ANO10: variants seen among roughly 807,000 people sequenced by gnomAD.
ANO10 encodes the protein anoctamin 10.
ANO10 carries 77 observed loss-of-function variants against 74.7 expected under a neutral mutation model. The observed-to-expected ratio is 1.03, with a 90% CI of 0.86 to 1.25. The LOEUF (loss-of-function observed/expected upper bound fraction) is 1.25, where lower values mean the gene tolerates loss of function less well. ANO10 is among the 50% of genes most tolerant of loss of function. ANO10 has a pLI of 0.00. For missense variants in ANO10, 721 were observed against 778.1 expected (o/e 0.93, Z 0.87); for synonymous variants, 279 against 284.9 (o/e 0.98, Z 0.21).
At chr3:43,506,946 C>T (rs566553694) in intron 11 of ANO10, among the ~76,000 whole-genome samples, 3 of 152,294 alleles carry the variant, frequency 2.0e-5, no homozygotes, top group South Asian at 2.1e-4. Flanking sequence ...ATACACTCCA[C>T]GAGTACAGAG....
At chr3:43,604,130 C>T (rs2082453320) in intron 2 of ANO10, among the ~76,000 whole-genome samples, 1 of 152,128 alleles carries the variant, frequency 6.6e-6, no homozygotes, top group African/African-American at 2.4e-5. Flanking sequence ...TCATGAAGTA[C>T]ATAGTAGTGC....
At chr3:43,476,868 C>T (rs998764303) in intron 11 of ANO10, among the ~76,000 whole-genome samples, 9 of 152,168 alleles carry the variant, frequency 5.9e-5, no homozygotes, top group African/African-American at 2.2e-4. Context: ...ACATAGCAAA[C>T]CTTGCCAATC....
At chr3:43,387,047 T>C (rs2092141921) in intron 12 of ANO10, among the ~76,000 whole-genome samples, 1 of 152,182 alleles carries the variant, frequency 6.6e-6, no homozygotes, top group South Asian at 2.1e-4. Context: ...GAGAACTGTA[T>C]TGTCAGGCAA....
intron 12 of ANO10, among the ~76,000 whole-genome samples, chr3:43,387,607 C>T (rs773571842): frequency 2.6e-5 from 4 of 152,042 alleles, no homozygotes; most frequent in African/African-American, 7.3e-5. Flanking sequence ...TGAAGAGAGA[C>T]GGCAGCTTCT....
intron 1 of ANO10, among the ~76,000 whole-genome samples, chr3:43,679,266 T>C (rs2084162802): frequency 6.6e-6 from 1 of 152,198 alleles, no homozygotes; most frequent in African/African-American, 2.4e-5. Flanking sequence ...TCCAATGGTC[T>C]TAGCAAACGG....
rs1315571039 is a variant in ANO10, at chr3:43,580,272, A to T, written c.592+81T>A. The T allele has an allele frequency of 5.7e-6, 9 of 1,586,592 alleles. No homozygotes were observed. In the South Asian group the frequency reaches 8.9e-5, roughly 16 times the overall value. ...CAGTAGAGCACTAAATATCTGCCCA[A>T]GGGAGCTGACTCCACTGCTAGATCG... On this transcript the variant is annotated intron_variant, in intron 5 of 12. Coordinates refer to ENST00000292246, the MANE Select transcript of ANO10 (RefSeq NM_018075.5).
chr3:43,366,720 G>A lies in ANO10; in HGVS notation c.*186C>T. 2 of 658,434 alleles carry A rather than the reference G, an allele frequency of 3.0e-6. No individual in the cohort carries two copies. Among genetic ancestry groups the A allele is most frequent in the South Asian group, 3.4e-5 (2 of 58,198 alleles). 40.8% of individuals were successfully genotyped at this position (658,434 alleles called of 1,614,324 possible). The stretch of plus-strand genomic sequence containing the variant: ...AGGGTGGGGCTGGGGGAACTGCCAA[G>A]GATCCCGAGCCAAGCCACTGCGAAA... On this transcript the variant is annotated 3_prime_UTR_variant, in exon 13 of 13. Transcript: ENST00000292246.
At chr3:43,584,629 T>C (rs574188449) in intron 4 of ANO10, among the ~76,000 whole-genome samples, 1 of 152,240 alleles carries the variant, frequency 6.6e-6, no homozygotes, top group South Asian at 2.1e-4. Context: ...CCCACTCCCT[T>C]TGGACCTCAG....
chr3:43,467,487 TA>T (rs1394384584), intron 11 of ANO10, among the ~76,000 whole-genome samples: 1 of 152,210 alleles, frequency 6.6e-6, no homozygotes, highest in East Asian at 1.9e-4. Flanking sequence ...AAGCCAGATA[TA>T]AAGAATACTT....
chr3:43,522,943 A>G (rs78071591), intron 11 of ANO10, among the ~76,000 whole-genome samples: 2,005 of 152,320 alleles, frequency 0.013, 23 homozygotes, highest in Non-Finnish European at 0.021. Flanking sequence ...TACTGGCTCA[A>G]TATAGATCAT....
chr3:43,605,718 A>G lies in ANO10; in HGVS notation c.135T>C (p.Asp45=), dbSNP rs928206763. 6.2e-7 allele frequency: 1 copy of G among 1,613,358 alleles called. No homozygotes were observed. The change falls in exon 2 of 13, where the codon GAT becomes GAC. Residue 45 remains aspartate, a synonymous_variant. Coordinates refer to ENST00000292246, the MANE Select transcript of ANO10 (RefSeq NM_018075.5). ...AGCAGTGACTATTTTACTCACCTCC[A>G]TCTTTTTTTTTAGCTATAATTCTGT... ...LKNRIIAKKK[D]GGAQLLFRPL...
chr3:43,691,362 G>C (rs2149588085), intron 1 of ANO10: 1 of 216,494 alleles, frequency 4.6e-6, no homozygotes, highest in Admixed American at 5.9e-5. Flanking sequence ...GGAGCTGGCC[G>C]CGGCGGCCGC....
intron 4 of ANO10, among the ~76,000 whole-genome samples, chr3:43,581,907 C>T (rs954633641): frequency 9.9e-5 from 13 of 130,880 alleles, no homozygotes; most frequent in Admixed American, 4.9e-4. Context: ...GCCTGGGCAA[C>T]AGAGCAAGAC....
intron 4 of ANO10, among the ~76,000 whole-genome samples, chr3:43,595,427 G>A (rs2082028494): frequency 6.6e-6 from 1 of 152,146 alleles, no homozygotes. Context: ...GATCAAGTGG[G>A]CTTCATCCCT....
chr3:43,619,891 C>T (rs2083301756), intron 1 of ANO10, among the ~76,000 whole-genome samples: 1 of 150,338 alleles, frequency 6.7e-6, no homozygotes, highest in African/African-American at 2.4e-5. Flanking sequence ...AAAAAAAATC[C>T]TCTTCCACCC....
At chr3:43,370,996 A>G (rs534421916) in intron 12 of ANO10, among the ~76,000 whole-genome samples, 141 of 152,246 alleles carry the variant, frequency 9.3e-4, no homozygotes, top group Middle Eastern at 3.4e-3. Flanking sequence ...CGGACCTCAA[A>G]TGGCCCCTTC....
intron 7 of ANO10, 97 bp downstream of exon 7, chr3:43,574,712 C>T (rs2080913919): frequency 1.0e-6 from 1 of 967,936 alleles, no homozygotes; most frequent in Non-Finnish European, 1.6e-6. Flanking sequence ...ATATTGATAT[C>T]TTAGATTAGA....
chr3:43,566,961 G>C (rs192951681), intron 7 of ANO10, among the ~76,000 whole-genome samples: 14 of 152,086 alleles, frequency 9.2e-5, no homozygotes, highest in Non-Finnish European at 1.3e-4. Flanking sequence ...TCTATAACTA[G>C]AATAACCAAT....
At chr3:43,408,223 C>G (rs914834999) in intron 12 of ANO10, among the ~76,000 whole-genome samples, 7 of 152,166 alleles carry the variant, frequency 4.6e-5, no homozygotes, top group African/African-American at 1.7e-4. Context: ...AAATCTAAAA[C>G]TACAGCTTGT....
Sources: gnomAD v4.1 joint callset for allele counts (sites outside exome capture counted in the v4.1 genomes callset) on GRCh38, gnomAD v4.1.1 for gene constraint, MANE v1.5 for transcripts, NCBI Gene and HGNC (gene_info 2026-07-23, HGNC 2026-07-21) for gene names.